The following SLC35F3 variants were observed in gnomAD, a reference collection of about 807,000 sequenced individuals.
SLC35F3 encodes putative thiamine transporter SLC35F3.
In SLC35F3, 25 loss-of-function variants were observed where a neutral mutation model predicts 49.9. The observed-to-expected ratio is 0.50, with a 90% CI of 0.37 to 0.70. The LOEUF is 0.70. Among genes scored for constraint, SLC35F3 ranks in the 30% least tolerant of loss-of-function variants. The pLI is 0.00. For synonymous variants in SLC35F3, 275 were observed against 265.4 expected, an observed-to-expected ratio of 1.04 and a Z score of -0.35; for missense variants, 525 against 639.8, an observed-to-expected ratio of 0.82 and a Z score of 1.94.
chr1:234,231,052 C>G lies in SLC35F3; in HGVS notation c.284-365C>G, dbSNP rs116958942. On this transcript the variant is annotated intron_variant, in intron 2 of 7. Coordinates refer to ENST00000366618, the MANE Select transcript of SLC35F3 (RefSeq NM_173508.4). This position sits in a 1 kb window ranked among gnomAD's most constrained non-coding sequence, Gnocchi z 5.4. ...AGATATTTCAGCTGCTCTGTGTGTT[C>G]TGGAGGAGTGTTTCCCAAAGCACGC... Among the ~76,000 whole-genome samples, 12 of 152,286 alleles carry G rather than the reference C, an allele frequency of 7.9e-5. No homozygotes were observed. The East Asian group carries it at 2.3e-3, about 29-fold the overall frequency.
intron 2 of SLC35F3, among the ~76,000 whole-genome samples, chr1:233,965,053 A>G (rs1460441883): frequency 6.6e-6 from 1 of 152,212 alleles, no homozygotes; most frequent in Non-Finnish European, 1.5e-5. Flanking sequence ...TGGAGAAAGA[A>G]ATACAGGATT....
Position 234,248,843 on chromosome 1 carries a change from C to T in SLC35F3, c.608+17102C>T, listed in dbSNP as rs10910396. 6.7e-3 allele frequency among the ~76,000 whole-genome samples: 1,027 copies of T among 152,312 alleles called. 9 individuals are homozygous for T. Among genetic ancestry groups the T allele is most frequent in the African/African-American group, 0.023 (968 of 41,560 alleles). On this transcript the variant is annotated intron_variant, in intron 3 of 7. Transcript: ENST00000366618. ...CCAAGGTGTCTTCCCACACTCCCTG[C>T]CCTTCCAGAGTCATAGACCCCTACT... is the stretch of plus-strand genomic sequence containing the variant.
intron 2 of SLC35F3, among the ~76,000 whole-genome samples, chr1:233,952,779 G>C (rs1363476027): frequency 6.6e-6 from 1 of 152,136 alleles, no homozygotes; most frequent in Non-Finnish European, 1.5e-5. Context: ...CATGTGCACT[G>C]CTGTCCATTT....
At chr1:234,043,087 G>A (rs540293101) in intron 2 of SLC35F3, among the ~76,000 whole-genome samples, 4 of 152,172 alleles carry the variant, frequency 2.6e-5, no homozygotes, top group East Asian at 3.9e-4. Context: ...TTTGTTGTAC[G>A]TTGCTTCCGT....
At chr1:234,190,474 A>T (rs1378937922) in intron 2 of SLC35F3, among the ~76,000 whole-genome samples, 2 of 152,236 alleles carry the variant, frequency 1.3e-5, no homozygotes, top group African/African-American at 4.8e-5. Flanking sequence ...AAAGACAAAG[A>T]GGGACATTAT....
intron 2 of SLC35F3, among the ~76,000 whole-genome samples, chr1:233,911,474 G>T (rs1444027227): frequency 6.6e-6 from 1 of 152,160 alleles, no homozygotes. Context: ...TTGGGTCAGA[G>T]AATTAATTTT....
At chr1:234,274,239 T>C (rs1024078355) in intron 3 of SLC35F3, 1 of 152,186 alleles carries the variant, frequency 6.6e-6, no homozygotes, top group African/African-American at 2.4e-5. Flanking sequence ...CTTCTCCATT[T>C]CACCAACACG....
chr1:233,911,797 T>C (rs1476153646), intron 2 of SLC35F3, among the ~76,000 whole-genome samples: 1 of 152,180 alleles, frequency 6.6e-6, no homozygotes, highest in African/African-American at 2.4e-5. Context: ...GAAGTACGCA[T>C]ATGGTGGTGA....
intron 3 of SLC35F3, among the ~76,000 whole-genome samples, chr1:234,302,328 T>C (rs1377643914): frequency 6.6e-6 from 1 of 151,860 alleles, no homozygotes; most frequent in East Asian, 1.9e-4. Flanking sequence ...ATGTAGGAGG[T>C]TTCTCAGAGT....
chr1:234,109,519 C>T (rs985435200), intron 2 of SLC35F3, among the ~76,000 whole-genome samples: 3 of 152,202 alleles, frequency 2.0e-5, no homozygotes, highest in Non-Finnish European at 4.4e-5. Flanking sequence ...CATCTCATCA[C>T]TGTTTCTCTG....
intron 2 of SLC35F3, among the ~76,000 whole-genome samples, chr1:234,020,730 G>A (rs1480758664): frequency 1.3e-5 from 2 of 151,984 alleles, no homozygotes; most frequent in Non-Finnish European, 2.9e-5. Flanking sequence ...TTTTTCTTCT[G>A]AATACAATAA....
intron 3 of SLC35F3, among the ~76,000 whole-genome samples, chr1:234,241,110 C>G (rs1442268669): frequency 1.3e-5 from 2 of 152,062 alleles, no homozygotes; most frequent in East Asian, 3.8e-4. Flanking sequence ...TCTTTTCTTT[C>G]TTTTCTTTTC....
At chr1:234,103,145 C>G (rs1460796236) in intron 2 of SLC35F3, among the ~76,000 whole-genome samples, 1 of 152,186 alleles carries the variant, frequency 6.6e-6, no homozygotes, top group Non-Finnish European at 1.5e-5. Flanking sequence ...GGAACCCAGC[C>G]TTCTGATCTA....
intron 2 of SLC35F3, among the ~76,000 whole-genome samples, chr1:234,189,569 G>T (rs1666701495): frequency 6.6e-6 from 1 of 151,514 alleles, no homozygotes; most frequent in African/African-American, 2.4e-5. Flanking sequence ...GAAGTCTGGG[G>T]TTATGTTAAA....
chr1:234,060,471 G>A (rs150094908), intron 2 of SLC35F3, among the ~76,000 whole-genome samples: 6,403 of 152,148 alleles, frequency 0.042, 255 homozygotes, highest in African/African-American at 0.11. Flanking sequence ...TTTTGAGACA[G>A]GGTCTCACTC....
chr1:234,279,436 A>G (rs1668267081), intron 3 of SLC35F3, among the ~76,000 whole-genome samples: 1 of 152,162 alleles, frequency 6.6e-6, no homozygotes, highest in South Asian at 2.1e-4. Flanking sequence ...TGGGTTTTAA[A>G]ACAGAAATCG....
intron 2 of SLC35F3, among the ~76,000 whole-genome samples, chr1:234,062,416 A>G (rs1423764637): frequency 2.0e-5 from 3 of 152,166 alleles, no homozygotes; most frequent in African/African-American, 4.8e-5. Context: ...AGACTATTCA[A>G]TCTATTGTGG....
Position 234,310,706 on chromosome 1 carries a change from A to G in SLC35F3, c.828+1386A>G, listed in dbSNP as rs182914274. On this transcript the variant is annotated intron_variant, in intron 4 of 7. Coordinates refer to ENST00000366618, the MANE Select transcript of SLC35F3 (RefSeq NM_173508.4). ...AGGAGAATTTATGGAAATTTTTGGC[A>G]TGACTCAGATGTCCCTAGAAAATTC... 1.9e-3 allele frequency among the ~76,000 whole-genome samples: 283 copies of G among 152,334 alleles called. 1 individual carries two copies. Among genetic ancestry groups the G allele is most frequent in the African/African-American group, 6.1e-3 (255 of 41,578 alleles).
At chr1:234,166,972 A>G (rs1465472586) in intron 2 of SLC35F3, among the ~76,000 whole-genome samples, 1 of 152,202 alleles carries the variant, frequency 6.6e-6, no homozygotes, top group Non-Finnish European at 1.5e-5. Flanking sequence ...TTTTGCCTCA[A>G]GATAGTGGTG....
Sources: allele counts gnomAD v4.1 joint callset (sites outside exome capture counted in the v4.1 genomes callset), GRCh38; gene constraint gnomAD v4.1.1; non-coding constraint Gnocchi (gnomAD v3.1); transcripts MANE v1.5; gene names NCBI Gene and HGNC (gene_info 2026-07-23, HGNC 2026-07-21).